Variants in UBAC2 observed in about 807,000 individuals in gnomAD.
UBAC2 encodes the protein ubiquitin-associated domain-containing protein 2.
In UBAC2, 26 loss-of-function variants were observed where a neutral mutation model predicts 44.0. The ratio of observed to expected loss-of-function variants is 0.59; its 90% CI spans 0.43 to 0.82. The LOEUF is 0.82. Ranked by LOEUF, UBAC2 falls within the 40% of genes least tolerant of loss-of-function variation. The pLI is 0.00. For synonymous variants in UBAC2, 155 were observed against 154.3 expected, an observed-to-expected ratio of 1.00 and a Z score of -0.04; for missense variants, 329 against 419.4, an observed-to-expected ratio of 0.78 and a Z score of 1.88.
chr13:99,288,904 C>G (rs1209856616), intron 4 of UBAC2, among the ~76,000 whole-genome samples: 1 of 152,184 alleles, frequency 6.6e-6, no homozygotes, highest in Non-Finnish European at 1.5e-5. Context: ...TTCAGGGTGT[C>G]ATGCCCAGTG....
chr13:99,379,066 T>G (rs375193612), intron 8 of UBAC2, among the ~76,000 whole-genome samples: 1 of 152,228 alleles, frequency 6.6e-6, no homozygotes, highest in African/African-American at 2.4e-5. Flanking sequence ...CCAAAATGTT[T>G]GTGAGACCAA....
rs1009284804 is a variant in UBAC2, at chr13:99,247,339, C to T, written c.389+2715C>T. Among the ~76,000 whole-genome samples, 13 of 151,802 alleles carry T rather than the reference C, an allele frequency of 8.6e-5. 1 individual carries two copies. In the East Asian group the frequency reaches 9.7e-4, roughly 11 times the overall value. On this transcript the variant is annotated intron_variant, in intron 4 of 8. Transcript: ENST00000403766. ...ACGCCATTCTCCTGCCTCAGCCTCCCGAGTAGCTGGGACTACAGGCGCCCG... is the reference window on the plus strand; with the variant it reads ...ACGCCATTCTCCTGCCTCAGCCTCCTGAGTAGCTGGGACTACAGGCGCCCG...
chr13:99,364,270 C>T (rs2045302638), intron 7 of UBAC2, among the ~76,000 whole-genome samples: 1 of 150,876 alleles, frequency 6.6e-6, no homozygotes, highest in African/African-American at 2.4e-5. Context: ...TTGAGATGAG[C>T]GTTTGATTTT....
chr13:99,287,643 C>CTTTTTT (rs11304203), intron 4 of UBAC2, among the ~76,000 whole-genome samples: 74 of 95,130 alleles, frequency 7.8e-4, no homozygotes, highest in African/African-American at 2.4e-3. Context: ...TTTTTTCTTT[C>CTTTTTT]TTTTTTTTTT....
intron 4 of UBAC2, among the ~76,000 whole-genome samples, chr13:99,278,339 C>T (rs978510262): frequency 3.3e-5 from 5 of 152,172 alleles, no homozygotes; most frequent in Admixed American, 2.0e-4. Context: ...TTCACTTTCT[C>T]GGGCGCGTGA....
chr13:99,370,652 T>C (rs926495508), intron 8 of UBAC2, among the ~76,000 whole-genome samples: 5 of 152,166 alleles, frequency 3.3e-5, no homozygotes, highest in African/African-American at 7.2e-5. Context: ...ACTCAAAAGG[T>C]GCCCCTGGGC....
chr13:99,273,654 G>C (rs1043260090), intron 4 of UBAC2, among the ~76,000 whole-genome samples: 1 of 152,082 alleles, frequency 6.6e-6, no homozygotes, highest in Non-Finnish European at 1.5e-5. Context: ...TGACAGTTTT[G>C]ATGAGGTGCT....
intron 1 of UBAC2, among the ~76,000 whole-genome samples, chr13:99,237,275 C>G (rs76081348): frequency 1.5e-5 from 2 of 135,212 alleles, no homozygotes; most frequent in South Asian, 5.0e-4. Context: ...TATATATACA[C>G]ACACACACAC....
At chr13:99,368,574 C>T (rs1037351876) in intron 8 of UBAC2, among the ~76,000 whole-genome samples, 4 of 152,016 alleles carry the variant, frequency 2.6e-5, no homozygotes, top group Non-Finnish European at 5.9e-5. Flanking sequence ...AAATGAGGAA[C>T]TCGGTTGATT....
At chr13:99,300,918 A>G (rs2044248350) in intron 4 of UBAC2, among the ~76,000 whole-genome samples, 1 of 152,184 alleles carries the variant, frequency 6.6e-6, no homozygotes, top group Admixed American at 6.5e-5. Context: ...ATTTATTCTT[A>G]AGTATATTTT....
At chr13:99,215,869 T>G in intron 1 of UBAC2, 1 of 482,832 alleles carries the variant, frequency 2.1e-6, no homozygotes, top group Non-Finnish European at 3.7e-6. Flanking sequence ...CCCTTTTCAG[T>G]TCTTACTATT....
intron 1 of UBAC2, among the ~76,000 whole-genome samples, chr13:99,237,894 G>T (rs1422934551): frequency 6.6e-6 from 1 of 152,204 alleles, no homozygotes; most frequent in Non-Finnish European, 1.5e-5. Flanking sequence ...GGTGGAGGTT[G>T]CAGTGAGCCG....
chr13:99,221,662 T>C lies in UBAC2; in HGVS notation c.32-16765T>C, dbSNP rs556563451. ...ACTCTAGACCATTGAGGATGGAAGC[T>C]GATGGATAAAAATGCTGCCCTGTTC... is the stretch of plus-strand genomic sequence containing the variant. On this transcript the variant is annotated intron_variant, in intron 1 of 8. Coordinates refer to ENST00000403766, the MANE Select transcript of UBAC2 (RefSeq NM_001144072.2). 1.1e-3 allele frequency among the ~76,000 whole-genome samples: 162 copies of C among 152,306 alleles called. 1 individual carries two copies. Among genetic ancestry groups the C allele is most frequent in the South Asian group, 2.9e-3 (14 of 4,824 alleles).
intron 4 of UBAC2, among the ~76,000 whole-genome samples, chr13:99,253,363 GA>G (rs2043484368): frequency 6.6e-6 from 1 of 152,058 alleles, no homozygotes; most frequent in Non-Finnish European, 1.5e-5. Context: ...AACCTCTTCA[GA>G]CCTCAGTTTT....
intron 4 of UBAC2, among the ~76,000 whole-genome samples, chr13:99,293,026 C>T (rs946660636): frequency 1.3e-5 from 2 of 152,132 alleles, no homozygotes; most frequent in African/African-American, 4.8e-5. Flanking sequence ...CGTGTATGAA[C>T]AGTGGCTTGA....
chr13:99,281,683 C>T (rs2043956076), intron 4 of UBAC2, among the ~76,000 whole-genome samples: 1 of 152,188 alleles, frequency 6.6e-6, no homozygotes, highest in Admixed American at 6.5e-5. Context: ...CTTTTCTTGT[C>T]TCACTTATGT....
At chr13:99,244,845 T>C (rs2043362807) in intron 4 of UBAC2, among the ~76,000 whole-genome samples, 1 of 151,996 alleles carries the variant, frequency 6.6e-6, no homozygotes, top group Non-Finnish European at 1.5e-5. Flanking sequence ...TACTTTTTTT[T>C]TTTTTGAGAC....
At chr13:99,262,711 A>C (rs1416720476) in intron 4 of UBAC2, among the ~76,000 whole-genome samples, 1 of 14,450 alleles carries the variant, frequency 6.9e-5, no homozygotes, top group African/African-American at 5.3e-4. Flanking sequence ...ACTCCCTCTC[A>C]AAAAAAAAAA....
chr13:99,242,984 A>G (rs1285536780), intron 2 of UBAC2, among the ~76,000 whole-genome samples: 1 of 147,352 alleles, frequency 6.8e-6, no homozygotes. Flanking sequence ...CTCACTTCCT[A>G]GATGGGATGG....
Sources: gnomAD v4.1 joint callset for allele counts (sites outside exome capture counted in the v4.1 genomes callset) on GRCh38, gnomAD v4.1.1 for gene constraint, MANE v1.5 for transcripts, NCBI Gene and HGNC (gene_info 2026-07-23, HGNC 2026-07-21) for gene names.